The following NELL2 variants were observed in gnomAD, a reference collection of about 807,000 sequenced individuals.
The protein encoded by NELL2 is protein kinase C-binding protein NELL2.
NELL2 carries 41 observed loss-of-function variants against 109.6 expected under a neutral mutation model. That is an observed-to-expected ratio of 0.37 (90% CI 0.29 to 0.49). The LOEUF (loss-of-function observed/expected upper bound fraction) is 0.49, where lower values mean the gene tolerates loss of function less well. NELL2 is among the 20% of genes least tolerant of loss of function. The pLI is 0.98. For synonymous variants in NELL2, 355 were observed against 344.7 expected (o/e 1.03, Z -0.33); for missense variants, 900 against 1,008.3 (o/e 0.89, Z 1.45).
At chr12:44,597,923 G>A (rs1410459046) in intron 15 of NELL2, among the ~76,000 whole-genome samples, 4 of 152,154 alleles carry the variant, frequency 2.6e-5, no homozygotes, top group Non-Finnish European at 5.9e-5. Context: ...TGCAGGAGAT[G>A]CTTTTGTTTG....
rs543093247 is a variant in NELL2, at chr12:44,881,543, G to A, written c.39-5643C>T. Among the ~76,000 whole-genome samples, 7 of 151,914 alleles carry A rather than the reference G, an allele frequency of 4.6e-5. No homozygotes were observed. In the South Asian group the frequency reaches 1.5e-3, roughly 31 times the overall value. ...CCAGTAGCTGAATGAAAATGATAAA[G>A]GAAAGAATCAGTGAGCTCGAAGACA... On this transcript the variant is annotated intron_variant, in intron 1 of 20. Transcript: ENST00000333837.
chr12:44,713,546 C>T (rs1234374659), intron 10 of NELL2, among the ~76,000 whole-genome samples: 1 of 151,830 alleles, frequency 6.6e-6, no homozygotes, highest in Non-Finnish European at 1.5e-5. Context: ...TTTTAATGTT[C>T]CTGTGCCTCT....
At chr12:44,719,611 T>G (rs1472461788) in intron 9 of NELL2, among the ~76,000 whole-genome samples, 1 of 152,178 alleles carries the variant, frequency 6.6e-6, no homozygotes, top group Non-Finnish European at 1.5e-5. Context: ...GTAATTCACT[T>G]AAGTGAGTCA....
intron 1 of NELL2, among the ~76,000 whole-genome samples, chr12:44,885,295 A>C (rs181387348): frequency 1.3e-5 from 2 of 152,058 alleles, no homozygotes; most frequent in Admixed American, 1.3e-4. Context: ...AAAAATTAAA[A>C]ATTAAAATTA....
At chr12:44,917,877 C>T (rs1945840289), upstream of NELL2, among the ~76,000 whole-genome samples, 1 of 152,166 alleles carries the variant, frequency 6.6e-6, no homozygotes, top group South Asian at 2.1e-4. Flanking sequence ...AGGGCAGCCT[C>T]CAGACAACGG....
chr12:44,900,351 C>T (rs111449529), intron 1 of NELL2, among the ~76,000 whole-genome samples: 3 of 151,106 alleles, frequency 2.0e-5, no homozygotes, highest in African/African-American at 7.3e-5. Flanking sequence ...AAATTGACCA[C>T]ATAATTGGAA....
intron 2 of NELL2, among the ~76,000 whole-genome samples, chr12:44,842,256 T>C (rs915245724): frequency 3.3e-5 from 5 of 152,144 alleles, no homozygotes; most frequent in African/African-American, 4.8e-5. Flanking sequence ...TAGTGTGGTA[T>C]TGGAATAGCT....
At chr12:44,909,027 T>C (rs1318979784) in intron 1 of NELL2, among the ~76,000 whole-genome samples, 2 of 151,770 alleles carry the variant, frequency 1.3e-5, no homozygotes, top group Non-Finnish European at 2.9e-5. Flanking sequence ...CTCTATTAAG[T>C]TGAAAAAGTG....
At chr12:44,737,192 TA>T (rs756719552) in intron 9 of NELL2, among the ~76,000 whole-genome samples, 51 of 152,178 alleles carry the variant, frequency 3.4e-4, no homozygotes, top group Admixed American at 7.8e-4. Context: ...TAAGATAAAG[TA>T]TGTTTAATTT....
intron 12 of NELL2, among the ~76,000 whole-genome samples, chr12:44,694,991 A>T (rs1949015735): frequency 6.6e-6 from 1 of 151,918 alleles, no homozygotes; most frequent in South Asian, 2.1e-4. Context: ...TAAGCAGCTG[A>T]AAAAAAGAGA....
chr12:44,638,061 A>C (rs1463939486), intron 13 of NELL2, among the ~76,000 whole-genome samples: 2 of 151,666 alleles, frequency 1.3e-5, no homozygotes, highest in Non-Finnish European at 2.9e-5. Flanking sequence ...TAACTCTTTC[A>C]CTCTCACTCC....
At chr12:44,757,956 T>C (rs1460953973) in intron 9 of NELL2, among the ~76,000 whole-genome samples, 2 of 151,974 alleles carry the variant, frequency 1.3e-5, no homozygotes, top group South Asian at 2.1e-4. Context: ...AGAAGGGATA[T>C]GGGGATATTA....
At chr12:44,644,631 CATATAT>C (rs144306927) in intron 13 of NELL2, among the ~76,000 whole-genome samples, 3 of 100,948 alleles carry the variant, frequency 3.0e-5, no homozygotes, top group East Asian at 3.0e-4. Context: ...TATATACATA[CATATAT>C]ATATATATAT....
intron 19 of NELL2, among the ~76,000 whole-genome samples, chr12:44,513,742 A>G: frequency 6.6e-6 from 1 of 151,904 alleles, no homozygotes; most frequent in African/African-American, 2.4e-5. Flanking sequence ...AAAGACAAAA[A>G]TATTGAAATA....
At chr12:44,777,337 A>C in intron 5 of NELL2, 23 bp from the exon 6 acceptor site, 2 of 1,597,222 alleles carry the variant, frequency 1.3e-6, no homozygotes, top group Non-Finnish European at 1.7e-6. Flanking sequence ...AATAGAAAAA[A>C]AAGACATATT....
intron 3 of NELL2, among the ~76,000 whole-genome samples, chr12:44,796,925 T>G (rs1942643934): frequency 6.6e-6 from 1 of 152,042 alleles, no homozygotes; most frequent in African/African-American, 2.4e-5. Context: ...TTATTCTTAA[T>G]GATGAGGCCA....
intron 2 of NELL2, among the ~76,000 whole-genome samples, chr12:44,849,180 A>C (rs1443425853): frequency 3.5e-4 from 54 of 152,222 alleles, no homozygotes; most frequent in Non-Finnish European, 1.0e-4. Flanking sequence ...AAAACAAAAA[A>C]TAATGATAAC....
At chr12:44,559,427 G>A (rs924183431) in intron 15 of NELL2, among the ~76,000 whole-genome samples, 1 of 152,140 alleles carries the variant, frequency 6.6e-6, no homozygotes, top group Non-Finnish European at 1.5e-5. Context: ...CTGTATTCAG[G>A]AGACCCATCT....
chr12:44,730,601 C>A (rs1386825410), intron 9 of NELL2, among the ~76,000 whole-genome samples: 1 of 151,880 alleles, frequency 6.6e-6, no homozygotes, highest in Non-Finnish European at 1.5e-5. Context: ...ATAAAAACAT[C>A]ACATAATACA....
Sources: allele counts gnomAD v4.1 joint callset (sites outside exome capture counted in the v4.1 genomes callset), GRCh38; gene constraint gnomAD v4.1.1; transcripts MANE v1.5; gene names NCBI Gene and HGNC (gene_info 2026-07-23, HGNC 2026-07-21).